The following MYCT1 variants were observed in gnomAD, a reference collection of about 807,000 sequenced individuals.
The protein encoded by MYCT1 is MYC target 1, also known as myc target protein 1.
In MYCT1, 12 loss-of-function variants were observed where a neutral mutation model predicts 15.0. The observed-to-expected ratio is 0.80, with a 90% CI of 0.51 to 1.29. The LOEUF (loss-of-function observed/expected upper bound fraction) is 1.29, where lower values mean the gene tolerates loss of function less well. MYCT1 is among the 50% of genes most tolerant of loss of function. The probability of loss-of-function intolerance (pLI) is 0.00; values close to 1 mark genes in which losing one functional copy is unlikely to be tolerated. For missense variants in MYCT1, 287 were observed against 279.1 expected, an observed-to-expected ratio of 1.03 and a Z score of -0.20; for synonymous variants, 104 against 102.7, an observed-to-expected ratio of 1.01 and a Z score of -0.07.
chr6:152,708,785 C>T (rs1195249135), intron 1 of MYCT1, among the ~76,000 whole-genome samples: 1 of 152,002 alleles, frequency 6.6e-6, no homozygotes, highest in African/African-American at 2.4e-5. Context: ...GGATTTTCTT[C>T]AGCACATGTT....
At chr6:152,714,713 T>C (rs2099723329) in intron 1 of MYCT1, among the ~76,000 whole-genome samples, 1 of 151,716 alleles carries the variant, frequency 6.6e-6, no homozygotes, top group African/African-American at 2.4e-5. Context: ...CAGATATTTT[T>C]CCATTTTCTA....
chr6:152,739,606 A>G, the MYCT1 span, among the ~76,000 whole-genome samples: 1 of 151,946 alleles, frequency 6.6e-6, no homozygotes, highest in Non-Finnish European at 1.5e-5. Flanking sequence ...TTAAGTTTTT[A>G]TTGCATGAAT....
chr6:152,706,007 T>C, intron 1 of MYCT1: 1 of 856,146 alleles, frequency 1.2e-6, no homozygotes, highest in Non-Finnish European at 2.0e-6. Context: ...ATGCTGCTGG[T>C]GTGGCCTCTC....
chr6:152,721,649 G>A lies in MYCT1; in HGVS notation c.197-93G>A, dbSNP rs556126494. On this transcript the variant is annotated intron_variant, in intron 1 of 1. Coordinates refer to ENST00000367245, the MANE Select transcript of MYCT1 (RefSeq NM_025107.3). ...TTCAAAGTATGTTTAAATTAATCAT[G>A]TATTCTTTGAATTACAGTATATATG... The A allele has an allele frequency of 4.3e-6, 5 of 1,152,116 alleles. No homozygotes were observed. In the Admixed American group the frequency reaches 1.2e-4, roughly 28 times the overall value. 71.4% of individuals were successfully genotyped at this position (1,152,116 alleles called of 1,614,324 possible). A position where few individuals can be genotyped will look rare whatever the true frequency, so the allele number is the denominator to read the frequency against.
downstream of MYCT1, among the ~76,000 whole-genome samples, chr6:152,726,068 T>TA (rs1413447928): frequency 6.6e-6 from 1 of 151,742 alleles, no homozygotes; most frequent in Non-Finnish European, 1.5e-5. Flanking sequence ...TTTACAATGT[T>TA]ACAACTTGAA....
the MYCT1 span, among the ~76,000 whole-genome samples, chr6:152,741,216 G>T: frequency 1.3e-5 from 2 of 151,968 alleles, no homozygotes; most frequent in Admixed American, 6.6e-5. Flanking sequence ...AGTCTAAATA[G>T]AACCCCCTTT....
the MYCT1 span, among the ~76,000 whole-genome samples, chr6:152,742,153 T>C: frequency 4.6e-5 from 7 of 152,258 alleles, no homozygotes; most frequent in East Asian, 1.3e-3. Context: ...TATGTCACTG[T>C]AGTGATCCAA....
chr6:152,728,599 A>C (rs2129071691), downstream of MYCT1, among the ~76,000 whole-genome samples: 1 of 152,248 alleles, frequency 6.6e-6, no homozygotes, highest in African/African-American at 2.4e-5. Context: ...AACTCCTATT[A>C]AGAATTCACA....
chr6:152,737,342 T>C, the MYCT1 span, among the ~76,000 whole-genome samples: 2 of 151,928 alleles, frequency 1.3e-5, no homozygotes, highest in Non-Finnish European at 2.9e-5. Context: ...TGTATGTGTG[T>C]GTTTATATAT....
At chr6:152,702,200 T>C (rs1239668240) in intron 1 of MYCT1, among the ~76,000 whole-genome samples, 1 of 152,172 alleles carries the variant, frequency 6.6e-6, no homozygotes, top group Non-Finnish European at 1.5e-5. Context: ...TTTAGATGCA[T>C]GGAAATTGAC....
chr6:152,732,386 T>A, the MYCT1 span, among the ~76,000 whole-genome samples: 1 of 152,170 alleles, frequency 6.6e-6, no homozygotes, highest in Non-Finnish European at 1.5e-5. Flanking sequence ...ATGATGAGAG[T>A]TGAATTTTCA....
the MYCT1 span, among the ~76,000 whole-genome samples, chr6:152,730,916 TA>T: frequency 1.3e-5 from 2 of 152,188 alleles, no homozygotes; most frequent in Admixed American, 6.5e-5. Flanking sequence ...CTGGCAAAAT[TA>T]AATATAGATG....
chr6:152,737,202 T>C, the MYCT1 span, among the ~76,000 whole-genome samples: 1 of 152,054 alleles, frequency 6.6e-6, no homozygotes, highest in Admixed American at 6.6e-5. Flanking sequence ...CTGAATGAGA[T>C]ACCTTGCTGA....
At chr6:152,733,324 A>C in the MYCT1 span, among the ~76,000 whole-genome samples, 1 of 151,804 alleles carries the variant, frequency 6.6e-6, no homozygotes, top group Non-Finnish European at 1.5e-5. Flanking sequence ...GCTGTTCTCA[A>C]ACTCCTGAGC....
At chr6:152,735,138 T>A in the MYCT1 span, among the ~76,000 whole-genome samples, 1 of 152,104 alleles carries the variant, frequency 6.6e-6, no homozygotes, top group African/African-American at 2.4e-5. Context: ...AAGAAGGGTG[T>A]AAATTATTAG....
chr6:152,714,481 T>G (rs2099723291), intron 1 of MYCT1, among the ~76,000 whole-genome samples: 1 of 151,414 alleles, frequency 6.6e-6, no homozygotes, highest in Admixed American at 6.6e-5. Flanking sequence ...GCTATAAATG[T>G]TCTTATGAAT....
the MYCT1 span, among the ~76,000 whole-genome samples, chr6:152,736,966 G>T: frequency 5.9e-5 from 9 of 152,236 alleles, no homozygotes; most frequent in African/African-American, 2.2e-4. Context: ...AGAAAATGAT[G>T]TTGTGAGCCT....
intron 1 of MYCT1, among the ~76,000 whole-genome samples, chr6:152,698,781 G>C (rs1307507624): frequency 6.6e-6 from 1 of 152,150 alleles, no homozygotes. Flanking sequence ...ACAGGGGTTG[G>C]GGGGAAAGAA....
chr6:152,717,556 T>G (rs1452893881), intron 1 of MYCT1, among the ~76,000 whole-genome samples: 1 of 152,092 alleles, frequency 6.6e-6, no homozygotes, highest in East Asian at 1.9e-4. Context: ...CTGATGGTTA[T>G]TATGAGGGGG....
Sources: allele counts gnomAD v4.1 joint callset (sites outside exome capture counted in the v4.1 genomes callset), GRCh38; gene constraint gnomAD v4.1.1; transcripts MANE v1.5; gene names NCBI Gene and HGNC (gene_info 2026-07-23, HGNC 2026-07-21).